LCNL1: variants seen among roughly 807,000 people sequenced by gnomAD.
LCNL1 encodes the protein lipocalin like 1, also known as lipocalin-like 1 protein.
Under a neutral mutation model 7.9 loss-of-function variants are expected in LCNL1, and 11 were observed. The ratio of observed to expected loss-of-function variants is 1.40; its 90% CI spans 0.88 to 2.32. The LOEUF (loss-of-function observed/expected upper bound fraction) is 2.32. Among genes scored for constraint, LCNL1 ranks in the 30% most tolerant of loss-of-function variants. The pLI is 0.00. For missense variants in LCNL1, 218 were observed against 217.0 expected, an observed-to-expected ratio of 1.00 and a Z score of -0.03; for synonymous variants, 90 against 92.5, an observed-to-expected ratio of 0.97 and a Z score of 0.15.
chr9:136,983,806 G>A, intron 1 of LCNL1, 98 bp downstream of exon 1: 6 of 1,546,050 alleles, frequency 3.9e-6, no homozygotes, highest in Non-Finnish European at 4.4e-6. Context: ...CCAGCACATT[G>A]AGGTCAGACC....
chr9:136,984,094 GTGTC>G (rs781610540), intron 1 of LCNL1: 1 of 400,044 alleles, frequency 2.5e-6, no homozygotes. Flanking sequence ...ATGCGTCTGT[GTGTC>G]TGTGTGTCTG....
In LCNL1 at chr9:136,984,413, G is replaced by C. The variant is rs1308462569; in HGVS notation, c.123-77G>C. ...GGGTGAACAGGGGACCCTGGGCTCA[G>C]AGACAGCAAGGTAGGCTCTAGGCCT... On this transcript the variant is annotated intron_variant, in intron 1 of 2. Coordinates refer to ENST00000408973, the MANE Select transcript of LCNL1 (RefSeq NM_207510.4). The C allele has an allele frequency of 5.2e-6, 7 of 1,350,968 alleles. No homozygotes were observed. The East Asian group carries it at 1.6e-4, about 31-fold the overall frequency. 83.7% of individuals were successfully genotyped at this position (1,350,968 alleles called of 1,614,324 possible). A position where few individuals can be genotyped will look rare whatever the true frequency, so the allele number is the denominator to read the frequency against.
intron 1 of LCNL1, 179 bp from the exon 2 acceptor site, chr9:136,984,311 A>C: frequency 1.8e-6 from 1 of 565,610 alleles, no homozygotes; most frequent in Non-Finnish European, 3.1e-6. Context: ...CAGGTACTTA[A>C]TACCCACCCC....
chr9:136,983,437 C>A lies in LCNL1; in HGVS notation c.-150C>A. ...GTACTGAGGCCCCCCTCCCTCAGTT[C>A]TGCATCGGGGTCGAGATGTGTACAG... On this transcript the variant is annotated 5_prime_UTR_variant, in exon 1 of 3. It adds an upstream start codon to the 5' untranslated region. Transcript: ENST00000408973. The A allele has an allele frequency of 1.1e-6, 1 of 914,898 alleles. No individual in the cohort carries two copies. Among genetic ancestry groups the A allele is most frequent in the South Asian group, 1.5e-5 (1 of 65,994 alleles). 56.7% of individuals were successfully genotyped at this position (914,898 alleles called of 1,614,324 possible).
At position 136,983,629 on chromosome 9, in the gene LCNL1, A is replaced by G. The variant is rs1409629956; in HGVS notation, c.43A>G (p.Lys15Glu). The G allele has an allele frequency of 6.2e-7, 1 of 1,614,042 alleles. No individual in the cohort carries two copies. The highest frequency in any genetic ancestry group is 8.5e-7 in the Non-Finnish European group (1 of 1,179,966). Residue 15 changes from lysine to glutamate, a missense_variant, in exon 1 of 3, where the codon AAG (lysine) becomes GAG (glutamate). Coordinates refer to ENST00000408973, the MANE Select transcript of LCNL1 (RefSeq NM_207510.4). ...AGATGACCAGGACTTCCTGGACTCCAAGGACACCATGAAGATGGCTGTGGT... is the reference window on the plus strand; with the variant it reads ...AGATGACCAGGACTTCCTGGACTCCGAGGACACCATGAAGATGGCTGTGGT... ...VSDDQDFLDS[K>E]DTMKMAVVLV...
At position 136,983,484 on chromosome 9, in the gene LCNL1, A is replaced by C; in HGVS notation, c.-103A>C. The C allele has an allele frequency of 7.0e-7, 1 of 1,432,568 alleles. No individual in the cohort carries two copies. Among genetic ancestry groups the C allele is most frequent in the Non-Finnish European group, 9.7e-7 (1 of 1,026,366 alleles). 88.7% of individuals were successfully genotyped at this position (1,432,568 alleles called of 1,614,324 possible). ...ACAGCAGCCCCTGCCGTGGCCAGGA[A>C]GCAGCTGTGTCGGGGCAGAATGTGG... On this transcript the variant is annotated 5_prime_UTR_variant, in exon 1 of 3. Transcript: ENST00000408973.
At chr9:136,984,032 ATG>A (rs1830469040) in intron 1 of LCNL1, 2 of 416,938 alleles carry the variant, frequency 4.8e-6, no homozygotes, top group Non-Finnish European at 8.9e-6. Flanking sequence ...GTGTGTATGC[ATG>A]TGTGTCTTTG....
In LCNL1 at chr9:136,984,823, G is replaced by C. The variant is rs1268241998; in HGVS notation, c.307G>C (p.Gly103Arg). 3.2e-6 allele frequency: 5 copies of C among 1,578,100 alleles called. No individual in the cohort carries two copies. The highest frequency in any genetic ancestry group is 2.7e-5 in the African/African-American group (2 of 74,370). The change falls in exon 3 of 3, where the codon GGT becomes CGT. Residue 103 changes from glycine (G) to arginine (R), a missense_variant. By Grantham distance (125) the Gly-to-Arg change is moderately radical. Transcript: ENST00000408973. Reference sequence around the variant, plus strand: ...GCGGAACCAGTGGCTGCAGCTCTACGGTGGGCGGGCTGCGGGGCGGAGACC... The same window carrying C: ...GCGGAACCAGTGGCTGCAGCTCTACCGTGGGCGGGCTGCGGGGCGGAGACC... Reference protein sequence around the residue: ...GLRNQWLQLYGGRAAGRRPRH... With the variant: ...GLRNQWLQLYRGRAAGRRPRH...
At position 136,985,019 on chromosome 9, in the gene LCNL1, G is replaced by T. The variant is rs560020076; in HGVS notation, c.*8G>T. 1 of 1,374,922 alleles carries T rather than the reference G, an allele frequency of 7.3e-7. No homozygotes were observed. The highest frequency in any genetic ancestry group is 9.6e-7 in the Non-Finnish European group (1 of 1,044,054). The allele number at this position is 1,374,922 out of a possible 1,614,324, so 85.2% of individuals were successfully genotyped here. A position where few individuals can be genotyped will look rare whatever the true frequency, so the allele number is the denominator to read the frequency against. Reference sequence around the variant, plus strand: ...CCAGCCCCTTCCCTTTAGCTTACCCGCCCTCCCCACCTTCAGCTCGAGCGC... The same window carrying T: ...CCAGCCCCTTCCCTTTAGCTTACCCTCCCTCCCCACCTTCAGCTCGAGCGC... On this transcript the variant is annotated 3_prime_UTR_variant, in exon 3 of 3. Transcript: ENST00000408973.
At position 136,983,324 on chromosome 9, in the gene LCNL1, C is replaced by T; in HGVS notation, c.-263C>T. ...CACCCACCCCACAAAGACCTGTGAC[C>T]TTGCCACAGCCCCACCCATCCAGCC... On this transcript the variant is annotated 5_prime_UTR_variant, in exon 1 of 3. Transcript: ENST00000408973. 2.2e-6 allele frequency: 1 copy of T among 446,222 alleles called. No homozygotes were observed. The highest frequency in any genetic ancestry group is 4.2e-6 in the Non-Finnish European group (1 of 237,684). 27.6% of individuals were successfully genotyped at this position (446,222 alleles called of 1,614,324 possible).
intron 1 of LCNL1, 29 bp from the exon 2 acceptor site, chr9:136,984,461 C>A: frequency 6.5e-7 from 1 of 1,531,852 alleles, no homozygotes; most frequent in South Asian, 1.2e-5. Context: ...GGGGTGGCCA[C>A]TCAGGGGATT....
intron 2 of LCNL1, 71 bp from the exon 3 acceptor site, chr9:136,984,642 G>C: frequency 6.7e-7 from 1 of 1,503,162 alleles, no homozygotes; most frequent in South Asian, 1.3e-5. Flanking sequence ...ACCTGGGGCC[G>C]GGGCGTGAGG....
Position 136,983,299 on chromosome 9 carries a change from C to T in LCNL1, c.-288C>T. On this transcript the variant is annotated 5_prime_UTR_variant, in exon 1 of 3. Coordinates refer to ENST00000408973, the MANE Select transcript of LCNL1 (RefSeq NM_207510.4). The stretch of plus-strand genomic sequence containing the variant: ...TGGTTGCCTGTGCCTCACTGTCCCC[C>T]ACCCACCCCACAAAGACCTGTGACC... The T allele has an allele frequency of 2.6e-6, 1 of 387,142 alleles. No individual in the cohort carries two copies. The highest frequency in any genetic ancestry group is 4.8e-5 in the East Asian group (1 of 20,910). 24.0% of individuals were successfully genotyped at this position (387,142 alleles called of 1,614,324 possible).
chr9:136,984,489 G>T lies in LCNL1; in HGVS notation c.123-1G>T. The T allele has an allele frequency of 6.4e-7, 1 of 1,565,380 alleles. No individual in the cohort carries two copies. The highest frequency in any genetic ancestry group is 1.2e-5 in the South Asian group (1 of 84,710). On this transcript the variant is annotated splice_acceptor_variant, in intron 1 of 2. Coordinates refer to ENST00000408973, the MANE Select transcript of LCNL1 (RefSeq NM_207510.4). LOFTEE classifies it high-confidence loss of function. Reference sequence around the variant, plus strand: ...AGGGGATTGGGGCTCTTTCTCCCCAGGCCCCATGGCGGGTGCCAGAAAATG... The same window carrying T: ...AGGGGATTGGGGCTCTTTCTCCCCATGCCCCATGGCGGGTGCCAGAAAATG...
intron 1 of LCNL1, 155 bp downstream of exon 1, chr9:136,983,863 C>A: frequency 9.3e-7 from 1 of 1,070,240 alleles, no homozygotes; most frequent in Non-Finnish European, 1.4e-6. Flanking sequence ...ATGGCAGCCA[C>A]ACGGAGTCCA....
rs1485134280 is a variant in LCNL1 at position 136,985,298 on chromosome 9, G to A, written c.*287G>A. 1.2e-5 allele frequency: 5 copies of A among 414,878 alleles called. No individual in the cohort carries two copies. The highest frequency in any genetic ancestry group is 2.1e-5 in the Non-Finnish European group (5 of 233,036). 25.7% of individuals were successfully genotyped at this position (414,878 alleles called of 1,614,324 possible). A position where few individuals can be genotyped will look rare whatever the true frequency, so the allele number is the denominator to read the frequency against. ...CGGGGGAGGGCGAGACGTTGCCCAG[G>A]CCGGTGTTCCCAGGAGGAGATCGCC... On this transcript the variant is annotated 3_prime_UTR_variant, in exon 3 of 3. Coordinates refer to ENST00000408973, the MANE Select transcript of LCNL1 (RefSeq NM_207510.4).
At chr9:136,984,373 C>T in intron 1 of LCNL1, 117 bp from the exon 2 acceptor site, 1 of 946,436 alleles carries the variant, frequency 1.1e-6, no homozygotes, top group Non-Finnish European at 1.5e-6. Context: ...GTCCCATGTC[C>T]TCTAAGGATT....
At chr9:136,984,382 T>G in intron 1 of LCNL1, 108 bp from the exon 2 acceptor site, 17 of 984,550 alleles carry the variant, frequency 1.7e-5, no homozygotes, top group South Asian at 3.8e-5. Context: ...CCTCTAAGGA[T>G]TGTGAGGGTG....
In LCNL1 at chr9:136,983,513, G is replaced by A; in HGVS notation, c.-74G>A. 3.2e-6 allele frequency: 5 copies of A among 1,584,708 alleles called. No homozygotes were observed. The highest frequency in any genetic ancestry group is 4.3e-6 in the Non-Finnish European group (5 of 1,156,744). ...GCTGTGTCGGGGCAGAATGTGGTGG[G>A]CTCAGGCCCAGGGCACAGGGGCGGC... On this transcript the variant is annotated 5_prime_UTR_variant, in exon 1 of 3. Transcript: ENST00000408973.
Sources: allele counts gnomAD v4.1 joint callset, GRCh38; gene constraint gnomAD v4.1.1; transcripts MANE v1.5; gene names NCBI Gene and HGNC (gene_info 2026-07-23, HGNC 2026-07-21).